Variants in MYO9A observed in about 807,000 individuals in gnomAD.
MYO9A encodes unconventional myosin-IXa.
A neutral mutation model predicts 293.3 loss-of-function variants in MYO9A; 103 were observed. That is an observed-to-expected ratio of 0.35 (90% CI 0.30 to 0.41). The LOEUF is 0.41. Ranked by LOEUF, MYO9A falls within the 10% of genes least tolerant of loss-of-function variation. The pLI is 1.00. For synonymous variants in MYO9A, 1,001 were observed against 1,035.7 expected (o/e 0.97, Z 0.64); for missense variants, 2,685 against 3,033.0 (o/e 0.89, Z 2.69).
chr15:71,947,730 T>C (rs1029020038), intron 15 of MYO9A, among the ~76,000 whole-genome samples: 2 of 152,146 alleles, frequency 1.3e-5, no homozygotes, highest in African/African-American at 4.8e-5. Flanking sequence ...GTAATTTAGG[T>C]GGAGTAAGCC....
intron 32 of MYO9A, among the ~76,000 whole-genome samples, chr15:71,865,598 T>C (rs1306945004): frequency 6.6e-6 from 1 of 152,130 alleles, no homozygotes; most frequent in East Asian, 1.9e-4. Context: ...AATTTCAGAA[T>C]AGGCAAATCC....
chr15:72,084,807 A>G (rs1459931773), intron 1 of MYO9A, among the ~76,000 whole-genome samples: 1 of 152,152 alleles, frequency 6.6e-6, no homozygotes, highest in African/African-American at 2.4e-5. Context: ...TCTGGCTTGT[A>G]GAGTTTCTGC....
rs147776325 is a variant in MYO9A, at chr15:71,951,784, C to A, written c.2295G>T (p.Glu765Asp). 1.2e-6 allele frequency: 2 copies of A among 1,613,772 alleles called. No individual in the cohort carries two copies. The highest frequency in any genetic ancestry group is 2.2e-5 in the East Asian group (1 of 44,850). Residue 765 changes from glutamate (E) to aspartate (D), a missense_variant, in exon 15 of 42, where the codon GAG becomes GAT. Physicochemically the swap from Glu to Asp is conservative, Grantham distance 45. This residue lies in a region of MYO9A where 1,434 missense variants were observed against 1,497.7 expected (regional missense o/e 0.96). Coordinates refer to ENST00000356056, the MANE Select transcript of MYO9A (RefSeq NM_006901.4). ...CAGGATTTGTAGCCTTACTGTACTT[C>A]TCTTCCTTGCATCTCTGCAGAATCT... ...SLEILQRCKE[E>D]KYSITRKNPR...
intron 15 of MYO9A, among the ~76,000 whole-genome samples, chr15:71,949,536 T>C (rs1254441078): frequency 1.3e-5 from 2 of 151,974 alleles, no homozygotes; most frequent in African/African-American, 4.8e-5. Flanking sequence ...AAGACTTCAG[T>C]TTTTCCCACA....
chr15:71,927,390 G>A (rs574949183), intron 18 of MYO9A, among the ~76,000 whole-genome samples: 2 of 152,136 alleles, frequency 1.3e-5, no homozygotes, highest in East Asian at 1.9e-4. Flanking sequence ...TACTGCTTTC[G>A]TTATCTGTGT....
At chr15:71,974,260 G>A (rs1056647461) in intron 12 of MYO9A, among the ~76,000 whole-genome samples, 1 of 152,184 alleles carries the variant, frequency 6.6e-6, no homozygotes, top group Non-Finnish European at 1.5e-5. Context: ...TGAAGGAGTA[G>A]GATGGGCAAT....
intron 4 of MYO9A, among the ~76,000 whole-genome samples, chr15:72,026,191 T>A (rs1402599935): frequency 7.2e-6 from 1 of 139,854 alleles, no homozygotes. Flanking sequence ...GAGAATGGCG[T>A]GAACCCAGGA....
chr15:71,938,967 A>G (rs368777487), intron 15 of MYO9A, 40 bp from the exon 16 acceptor site: 29 of 1,474,124 alleles, frequency 2.0e-5, no homozygotes, highest in Non-Finnish European at 2.5e-5. Flanking sequence ...AAATCAGTGC[A>G]AAGAAAAATG....
intron 4 of MYO9A, among the ~76,000 whole-genome samples, chr15:72,021,534 TATC>T (rs989709956): frequency 6.6e-6 from 1 of 152,128 alleles, no homozygotes; most frequent in African/African-American, 2.4e-5. Flanking sequence ...CCCTAAGAAA[TATC>T]ATTATTTGAA....
chr15:72,096,421 T>A (rs1295517461), intron 1 of MYO9A, among the ~76,000 whole-genome samples: 1 of 152,210 alleles, frequency 6.6e-6, no homozygotes, highest in Non-Finnish European at 1.5e-5. Flanking sequence ...ACAACACATC[T>A]GTTGACAGTA....
At chr15:72,052,503 C>T (rs12441470) in intron 1 of MYO9A, among the ~76,000 whole-genome samples, 6,739 of 152,278 alleles carry the variant, frequency 0.044, 264 homozygotes, top group East Asian at 0.18. Flanking sequence ...GGCTGAAATA[C>T]GCCCCTTGTT....
chr15:72,068,489 T>C (rs2079086920), intron 1 of MYO9A, among the ~76,000 whole-genome samples: 1 of 149,882 alleles, frequency 6.7e-6, no homozygotes, highest in African/African-American at 2.4e-5. Flanking sequence ...AATTTCTCTT[T>C]TTTTTTTTTT....
intron 19 of MYO9A, among the ~76,000 whole-genome samples, chr15:71,906,684 T>C (rs1279758662): frequency 6.6e-6 from 1 of 151,444 alleles, no homozygotes; most frequent in Non-Finnish European, 1.5e-5. Context: ...AGTATCATTG[T>C]ATTTAAAGAG....
intron 32 of MYO9A, among the ~76,000 whole-genome samples, chr15:71,870,816 GT>G (rs2056486745): frequency 6.6e-6 from 1 of 152,140 alleles, no homozygotes; most frequent in Non-Finnish European, 1.5e-5. Context: ...ATTCAAGTTT[GT>G]TTTTTGGAAC....
At chr15:72,002,246 ATTT>A (rs34970982) in intron 8 of MYO9A, among the ~76,000 whole-genome samples, 2 of 140,130 alleles carry the variant, frequency 1.4e-5, no homozygotes, top group Non-Finnish European at 1.6e-5. Flanking sequence ...TGACCAGCTA[ATTT>A]TTTTTTTTTT....
At chr15:72,073,085 C>G (rs1245095400) in intron 1 of MYO9A, among the ~76,000 whole-genome samples, 1 of 152,160 alleles carries the variant, frequency 6.6e-6, no homozygotes, top group Non-Finnish European at 1.5e-5. Flanking sequence ...CTTACTGAAT[C>G]ATCCTCTAAT....
intron 2 of MYO9A, among the ~76,000 whole-genome samples, chr15:72,034,290 C>G (rs2077972388): frequency 6.6e-6 from 1 of 152,178 alleles, no homozygotes; most frequent in Admixed American, 6.5e-5. Context: ...ATAAAACCCC[C>G]TTCGAGTGGT....
intron 1 of MYO9A, among the ~76,000 whole-genome samples, chr15:72,053,696 C>T (rs181104440): frequency 1.3e-4 from 20 of 152,280 alleles, no homozygotes; most frequent in Admixed American, 1.0e-3. Flanking sequence ...AACTACCTAT[C>T]GGGTACTGCT....
chr15:71,895,321 C>A (rs963960344), intron 25 of MYO9A, among the ~76,000 whole-genome samples: 5 of 152,188 alleles, frequency 3.3e-5, no homozygotes, highest in African/African-American at 1.2e-4. Flanking sequence ...CCTTTTAACT[C>A]ACAACATTTT....
Sources: gnomAD v4.1 joint callset for allele counts (sites outside exome capture counted in the v4.1 genomes callset) on GRCh38, gnomAD v4.1.1 for gene constraint, gnomAD v4.1.1 regional missense constraint, MANE v1.5 for transcripts, NCBI Gene and HGNC (gene_info 2026-07-23, HGNC 2026-07-21) for gene names.